MALRD1: variants seen among roughly 807,000 people sequenced by gnomAD.
MALRD1 encodes the protein MAM and LDL receptor class A domain containing 1.
Under a neutral mutation model 242.1 loss-of-function variants are expected in MALRD1, and 247 were observed. The ratio of observed to expected loss-of-function variants is 1.02; its 90% CI spans 0.92 to 1.13. The LOEUF is 1.13. MALRD1 is among the 50% of genes most tolerant of loss of function. MALRD1 has a pLI of 0.00. For synonymous variants in MALRD1, 995 were observed against 866.6 expected (o/e 1.15, Z -2.60); for missense variants, 2,989 against 2,533.1 (o/e 1.18, Z -3.86).
chr10:19,501,974 T>A (rs1837992010), intron 31 of MALRD1, among the ~76,000 whole-genome samples: 1 of 145,546 alleles, frequency 6.9e-6, no homozygotes, highest in African/African-American at 2.6e-5. Flanking sequence ...GGCTGCAGTG[T>A]CGTGTTTACT....
intron 23 of MALRD1, 146 bp downstream of exon 23, chr10:19,327,819 A>G (rs925490539): frequency 1.7e-5 from 10 of 600,724 alleles, no homozygotes; most frequent in African/African-American, 1.7e-4. Flanking sequence ...TTAACACTCC[A>G]TGGAGCATTT....
intron 33 of MALRD1, among the ~76,000 whole-genome samples, chr10:19,572,843 A>G (rs1228049201): frequency 6.6e-6 from 1 of 152,136 alleles, no homozygotes; most frequent in African/African-American, 2.4e-5. Flanking sequence ...TCAGCTAAAA[A>G]GAAGCTAAGA....
intron 28 of MALRD1, among the ~76,000 whole-genome samples, chr10:19,444,132 C>A (rs1468455736): frequency 1.3e-5 from 2 of 152,080 alleles, no homozygotes; most frequent in Non-Finnish European, 2.9e-5. Flanking sequence ...GATTGCAACC[C>A]CTGCTTTTTT....
At chr10:19,104,449 A>G (rs1160596102) in intron 5 of MALRD1, among the ~76,000 whole-genome samples, 1 of 152,180 alleles carries the variant, frequency 6.6e-6, no homozygotes, top group Non-Finnish European at 1.5e-5. Flanking sequence ...TATTCTGCTG[A>G]AAGATACAAA....
chr10:19,111,244 T>C (rs1321254502), intron 5 of MALRD1, among the ~76,000 whole-genome samples: 1 of 152,162 alleles, frequency 6.6e-6, no homozygotes, highest in African/African-American at 2.4e-5. Context: ...ATAGTACAAG[T>C]GAGATTTCAG....
intron 21 of MALRD1, among the ~76,000 whole-genome samples, chr10:19,308,614 A>T (rs560944774): frequency 6.6e-6 from 1 of 151,604 alleles, no homozygotes; most frequent in South Asian, 2.1e-4. Flanking sequence ...TTGAGATGCT[A>T]CCATATCTTG....
Position 19,209,393 on chromosome 10 carries a change from A to G in MALRD1, c.2704A>G (p.Asn902Asp). The G allele has an allele frequency of 1.9e-6, 3 of 1,551,086 alleles. No homozygotes were observed. The highest frequency in any genetic ancestry group is 2.6e-6 in the Non-Finnish European group (3 of 1,147,090). ...ACTTAACACAGGGCCAATGAAAGAT[A>G]ACACTCTGGGCACAGCTAAAGGACA... ...PTLNTGPMKDNTLGTAKGHYL... is the reference protein window; with the variant it reads ...PTLNTGPMKDDTLGTAKGHYL... The change falls in exon 18 of 40, where the codon AAC (asparagine) becomes GAC (aspartate). Residue 902 changes from asparagine to aspartate, a missense_variant. Coordinates refer to ENST00000454679, the MANE Select transcript of MALRD1 (RefSeq NM_001142308.3).
rs549430163 is a variant in MALRD1, at chr10:19,691,903, T to C, written c.6138-379T>C. ...AATCTGCTCTGTTGGTTTTCTGAAA[T>C]GACTTGAATCTCTTCACTATAGAAA... On this transcript the variant is annotated intron_variant, in intron 36 of 39. Coordinates refer to ENST00000454679, the MANE Select transcript of MALRD1 (RefSeq NM_001142308.3). 7.2e-5 allele frequency among the ~76,000 whole-genome samples: 11 copies of C among 152,260 alleles called. No homozygotes were observed. In the South Asian group the frequency reaches 8.3e-4, roughly 11 times the overall value.
intron 2 of MALRD1, among the ~76,000 whole-genome samples, chr10:19,068,919 A>T (rs1157696287): frequency 2.0e-5 from 3 of 152,134 alleles, no homozygotes; most frequent in African/African-American, 7.2e-5. Context: ...AAGTCTAGTA[A>T]AGCTCAGGGA....
rs536403975 is a variant in MALRD1, at chr10:19,593,996, A to C, written c.5681-1198A>C. Among the ~76,000 whole-genome samples the C allele has an allele frequency of 3.2e-4, 48 of 152,350 alleles. 1 individual carries two copies. Among genetic ancestry groups the C allele is most frequent in the Admixed American group, 7.2e-4 (11 of 15,302 alleles). ...AGATTCAAGGACAGAGTGCAGTGTGACAAAACCATAGCGGATCTCTATTTC... is the reference window on the plus strand; with the variant it reads ...AGATTCAAGGACAGAGTGCAGTGTGCCAAAACCATAGCGGATCTCTATTTC... On this transcript the variant is annotated intron_variant, in intron 33 of 39. Transcript: ENST00000454679.
chr10:19,705,226 T>A (rs902368746), intron 38 of MALRD1, among the ~76,000 whole-genome samples: 16 of 152,166 alleles, frequency 1.1e-4, no homozygotes, highest in African/African-American at 3.6e-4. Flanking sequence ...ATAGGCCTAG[T>A]CTGCGCCCAC....
chr10:19,364,680 C>T (rs896872244), intron 26 of MALRD1, among the ~76,000 whole-genome samples: 1 of 152,062 alleles, frequency 6.6e-6, no homozygotes, highest in Non-Finnish European at 1.5e-5. Flanking sequence ...TTACATTTCT[C>T]TTGGAAGAAA....
At chr10:19,442,976 A>G (rs560724638) in intron 28 of MALRD1, among the ~76,000 whole-genome samples, 1 of 152,144 alleles carries the variant, frequency 6.6e-6, no homozygotes, top group South Asian at 2.1e-4. Context: ...GTAAGCTATT[A>G]ATTATTGCCT....
At chr10:19,220,634 C>T (rs967502082) in intron 18 of MALRD1, among the ~76,000 whole-genome samples, 2 of 152,044 alleles carry the variant, frequency 1.3e-5, no homozygotes, top group Admixed American at 6.6e-5. Context: ...GACCCAGATG[C>T]GTTCTAGATA....
At chr10:19,483,516 A>G (rs1285390555) in intron 29 of MALRD1, among the ~76,000 whole-genome samples, 1 of 152,172 alleles carries the variant, frequency 6.6e-6, no homozygotes, top group Non-Finnish European at 1.5e-5. Flanking sequence ...AAGAAGACAT[A>G]CATATGGTCA....
At chr10:19,573,517 G>A (rs562802209) in intron 33 of MALRD1, among the ~76,000 whole-genome samples, 5 of 152,132 alleles carry the variant, frequency 3.3e-5, no homozygotes, top group Non-Finnish European at 5.9e-5. Flanking sequence ...GGGATTCGCC[G>A]CCTCCCTCAT....
At chr10:19,271,291 G>A (rs963231009) in intron 19 of MALRD1, among the ~76,000 whole-genome samples, 1 of 152,150 alleles carries the variant, frequency 6.6e-6, no homozygotes, top group African/African-American at 2.4e-5. Flanking sequence ...TAACACTAAT[G>A]AATTAAAGTA....
chr10:19,438,803 A>AGGGT (rs1241106381), intron 28 of MALRD1, among the ~76,000 whole-genome samples: 5 of 133,358 alleles, frequency 3.7e-5, no homozygotes, highest in Non-Finnish European at 6.5e-5. Flanking sequence ...ACCAGACCCC[A>AGGGT]CAGCTCAGAC....
intron 19 of MALRD1, among the ~76,000 whole-genome samples, chr10:19,279,086 C>A (rs72796454): frequency 6.6e-6 from 1 of 152,122 alleles, no homozygotes; most frequent in Non-Finnish European, 1.5e-5. Context: ...GTTGGCCAGT[C>A]GTCCATGCAC....
Sources: allele counts gnomAD v4.1 joint callset (sites outside exome capture counted in the v4.1 genomes callset), GRCh38; gene constraint gnomAD v4.1.1; transcripts MANE v1.5; gene names NCBI Gene and HGNC (gene_info 2026-07-23, HGNC 2026-07-21).